CCDC28A: variants seen among roughly 807,000 people sequenced by gnomAD.
CCDC28A encodes coiled-coil domain-containing protein 28A.
In CCDC28A, 24 loss-of-function variants were observed where a neutral mutation model predicts 22.1. That is an observed-to-expected ratio of 1.09 (90% CI 0.79 to 1.53). The LOEUF is 1.53. Among genes scored for constraint, CCDC28A ranks in the 40% most tolerant of loss-of-function variants. The pLI is 0.00. For missense variants in CCDC28A, 170 were observed against 210.7 expected (o/e 0.81, Z 1.20); for synonymous variants, 83 against 74.7 (o/e 1.11, Z -0.57).
intron 2 of CCDC28A, among the ~76,000 whole-genome samples, chr6:138,778,569 C>T (rs1222131674): frequency 6.6e-6 from 1 of 152,102 alleles, no homozygotes; most frequent in Non-Finnish European, 1.5e-5. Context: ...TAAACTGAGA[C>T]TTGAAGATGT....
chr6:138,785,894 A>C (rs990667674), intron 4 of CCDC28A, among the ~76,000 whole-genome samples: 15 of 152,216 alleles, frequency 9.9e-5, no homozygotes, highest in Non-Finnish European at 2.1e-4. Context: ...TATGATTAAT[A>C]CATTTTGTGT....
chr6:138,778,157 T>G (rs2114901265), intron 2 of CCDC28A, among the ~76,000 whole-genome samples: 1 of 152,328 alleles, frequency 6.6e-6, no homozygotes, highest in East Asian at 1.9e-4. Context: ...TATCCCCCCC[T>G]CACCTACTTT....
intron 3 of CCDC28A, among the ~76,000 whole-genome samples, 153 bp downstream of exon 3, chr6:138,780,138 G>T (rs369186964): frequency 4.6e-5 from 7 of 152,258 alleles, no homozygotes; most frequent in Middle Eastern, 3.4e-3. Flanking sequence ...TTTTGTCTTA[G>T]AATATAATTT....
intron 1 of CCDC28A, among the ~76,000 whole-genome samples, chr6:138,775,720 A>G (rs1238504095): frequency 6.6e-6 from 1 of 152,176 alleles, no homozygotes; most frequent in Non-Finnish European, 1.5e-5. Flanking sequence ...TTTATTGTTT[A>G]TATGTTGTTC....
chr6:138,785,413 A>C, intron 4 of CCDC28A, 32 bp downstream of exon 4: 1 of 1,562,000 alleles, frequency 6.4e-7, no homozygotes, highest in Non-Finnish European at 8.7e-7. Flanking sequence ...TGTTCTTTAA[A>C]AAAAAATTTT....
chr6:138,782,329 T>C (rs991437823), intron 3 of CCDC28A, among the ~76,000 whole-genome samples: 6 of 152,252 alleles, frequency 3.9e-5, no homozygotes, highest in African/African-American at 1.4e-4. Context: ...GTTTTTCTTT[T>C]ATCTTTAAAG....
At chr6:138,787,749 T>C (rs1775113841) in intron 4 of CCDC28A, among the ~76,000 whole-genome samples, 1 of 152,030 alleles carries the variant, frequency 6.6e-6, no homozygotes, top group Non-Finnish European at 1.5e-5. Context: ...AGGCTGGTCT[T>C]AAACTCCTGG....
intron 3 of CCDC28A, among the ~76,000 whole-genome samples, chr6:138,783,605 T>C (rs1177592835): frequency 6.6e-6 from 1 of 151,788 alleles, no homozygotes; most frequent in Non-Finnish European, 1.5e-5. Flanking sequence ...GCCCGGCTAA[T>C]TTTTTGTATT....
intron 3 of CCDC28A, among the ~76,000 whole-genome samples, chr6:138,782,591 T>C (rs1237490969): frequency 6.6e-6 from 1 of 152,244 alleles, no homozygotes. Context: ...ATTTTTACTG[T>C]ACATTTACAT....
intron 3 of CCDC28A, among the ~76,000 whole-genome samples, chr6:138,780,260 G>T (rs1774996034): frequency 6.6e-6 from 1 of 152,122 alleles, no homozygotes. Context: ...ACAAATAAGA[G>T]GGACAGTCTT....
intron 2 of CCDC28A, among the ~76,000 whole-genome samples, chr6:138,778,526 G>C (rs1224724192): frequency 6.6e-6 from 1 of 152,168 alleles, no homozygotes; most frequent in East Asian, 1.9e-4. Flanking sequence ...TAGGCTAGGG[G>C]TTCCAAAAAG....
At chr6:138,787,917 GT>G (rs1201336576) in intron 4 of CCDC28A, among the ~76,000 whole-genome samples, 2 of 116,474 alleles carry the variant, frequency 1.7e-5, no homozygotes, top group African/African-American at 3.1e-5. Context: ...TTTTTTGAAA[GT>G]TTTTTTCTTT....
In CCDC28A at chr6:138,793,012, A is replaced by G. The variant is rs113322260; in HGVS notation, c.*209A>G. The G allele has an allele frequency of 3.7e-4, 203 of 546,386 alleles. 1 individual carries two copies. Among genetic ancestry groups the G allele is most frequent in the African/African-American group, 3.4e-3 (177 of 52,732 alleles). The allele number at this position is 546,386 out of a possible 1,614,324, so 33.8% of individuals were successfully genotyped here. A position where few individuals can be genotyped will look rare whatever the true frequency, so the allele number is the denominator to read the frequency against. Reference sequence around the variant, plus strand: ...AGGCCTAGGCCTTGTTGAAGGCTTCATCAGGAAATGTGACGCAGAGATTGT... The same window carrying G: ...AGGCCTAGGCCTTGTTGAAGGCTTCGTCAGGAAATGTGACGCAGAGATTGT... On this transcript the variant is annotated 3_prime_UTR_variant, in exon 6 of 6. Transcript: ENST00000617445.
intron 5 of CCDC28A, among the ~76,000 whole-genome samples, chr6:138,790,907 A>G (rs74922292): frequency 0.018 from 2,784 of 152,222 alleles, 75 homozygotes; most frequent in African/African-American, 0.058. Context: ...CACTCTCTAC[A>G]TGATAATCCA....
chr6:138,778,289 T>C (rs1774966514), intron 2 of CCDC28A, among the ~76,000 whole-genome samples: 1 of 152,212 alleles, frequency 6.6e-6, no homozygotes, highest in African/African-American at 2.4e-5. Context: ...GGATTTGTAG[T>C]GTGCATTGGG....
rs115492322 is a variant in CCDC28A at position 138,778,449 on chromosome 6, G to A, written c.159-1373G>A. On this transcript the variant is annotated intron_variant, in intron 2 of 5. Coordinates refer to ENST00000617445, the MANE Select transcript of CCDC28A (RefSeq NM_015439.3). Reference sequence around the variant, plus strand: ...TCTCTCTCTTCCTATATCGCAGTGCGCATAACATCATCACTCAACTATTTG... The same window carrying A: ...TCTCTCTCTTCCTATATCGCAGTGCACATAACATCATCACTCAACTATTTG... 2.5e-3 allele frequency among the ~76,000 whole-genome samples: 387 copies of A among 152,252 alleles called. 2 individuals are homozygous for A. The highest frequency in any genetic ancestry group is 8.5e-3 in the African/African-American group (354 of 41,528).
At position 138,774,024 on chromosome 6, in the gene CCDC28A, T is replaced by C. The variant is rs1027922184; in HGVS notation, c.-43+122T>C. The C allele has an allele frequency of 2.5e-6, 3 of 1,216,682 alleles. No individual in the cohort carries two copies. The South Asian group carries it at 4.1e-5, about 17-fold the overall frequency. 75.4% of individuals were successfully genotyped at this position (1,216,682 alleles called of 1,614,324 possible). On this transcript the variant is annotated intron_variant, in intron 1 of 5. Transcript: ENST00000617445. ...GCTTCGGTAGATTGGGGAAGGGGAA[T>C]GAGGTGATGTCAAGAGGGATGCCCA...
At chr6:138,790,205 C>G (rs2128363420) in intron 5 of CCDC28A, among the ~76,000 whole-genome samples, 1 of 152,120 alleles carries the variant, frequency 6.6e-6, no homozygotes, top group East Asian at 1.9e-4. Flanking sequence ...CAGGCTGAAG[C>G]AGTAGCGTGA....
At chr6:138,782,151 C>G (rs1215480345) in intron 3 of CCDC28A, among the ~76,000 whole-genome samples, 1 of 152,124 alleles carries the variant, frequency 6.6e-6, no homozygotes, top group Non-Finnish European at 1.5e-5. Flanking sequence ...ACCTTTCCTC[C>G]CCTACTCTAT....
Sources: gnomAD v4.1 joint callset for allele counts (sites outside exome capture counted in the v4.1 genomes callset) on GRCh38, gnomAD v4.1.1 for gene constraint, MANE v1.5 for transcripts, NCBI Gene and HGNC (gene_info 2026-07-23, HGNC 2026-07-21) for gene names.